The following CFAP20DC variants were observed in gnomAD, a reference collection of about 807,000 sequenced individuals.
CFAP20DC encodes the protein CFAP20 domain containing.
A neutral mutation model predicts 101.7 loss-of-function variants in CFAP20DC; 84 were observed. The ratio of observed to expected loss-of-function variants is 0.83; its 90% confidence interval spans 0.69 to 0.99. CFAP20DC has a LOEUF of 0.99. Ranked by LOEUF, CFAP20DC falls within the 50% of genes least tolerant of loss-of-function variation. The probability of loss-of-function intolerance (pLI) is 0.00; values close to 1 mark genes in which losing one functional copy is unlikely to be tolerated. For missense variants in CFAP20DC, 1,007 were observed against 970.3 expected, an observed-to-expected ratio of 1.04 and a Z score of -0.50; for synonymous variants, 359 against 351.2, an observed-to-expected ratio of 1.02 and a Z score of -0.25.
chr3:58,818,463 A>C (rs1270121523), intron 14 of CFAP20DC, among the ~76,000 whole-genome samples: 1 of 151,684 alleles, frequency 6.6e-6, no homozygotes, highest in African/African-American at 2.4e-5. Context: ...AAGCAAATGG[A>C]AAACTGAAAA....
At chr3:58,821,294 G>T (rs1286219978) in intron 14 of CFAP20DC, among the ~76,000 whole-genome samples, 3 of 152,174 alleles carry the variant, frequency 2.0e-5, no homozygotes, top group Non-Finnish European at 2.9e-5. Context: ...ATTGACAAAT[G>T]GGATCTAGTT....
intron 15 of CFAP20DC, 99 bp from the exon 16 acceptor site, chr3:58,753,962 C>T: frequency 1.4e-6 from 1 of 720,032 alleles, no homozygotes; most frequent in South Asian, 2.0e-5. Flanking sequence ...CAAAAAGAAA[C>T]ACTTTTTTTC....
intron 15 of CFAP20DC, among the ~76,000 whole-genome samples, chr3:58,769,563 C>T (rs1402425482): frequency 6.6e-6 from 1 of 152,148 alleles, no homozygotes. Flanking sequence ...TGGATGAGTT[C>T]TCTGAGGAAG....
At chr3:58,792,036 G>C (rs1331436873) in intron 15 of CFAP20DC, among the ~76,000 whole-genome samples, 2 of 152,140 alleles carry the variant, frequency 1.3e-5, no homozygotes, top group Non-Finnish European at 2.9e-5. Context: ...AACTACTATA[G>C]ACAATAAATC....
intron 14 of CFAP20DC, among the ~76,000 whole-genome samples, chr3:58,809,398 T>A (rs1388218788): frequency 6.6e-6 from 1 of 152,000 alleles, no homozygotes; most frequent in Non-Finnish European, 1.5e-5. Context: ...ATTAAGAAAC[T>A]CACTTAAAAC....
chr3:58,980,620 A>G (rs1033480031), intron 4 of CFAP20DC, among the ~76,000 whole-genome samples: 15 of 152,236 alleles, frequency 9.9e-5, no homozygotes, highest in Non-Finnish European at 1.8e-4. Flanking sequence ...GATTATCTCA[A>G]TAGATGCAGA....
intron 4 of CFAP20DC, among the ~76,000 whole-genome samples, chr3:58,975,036 T>C (rs2092193893): frequency 6.6e-6 from 1 of 152,174 alleles, no homozygotes; most frequent in Non-Finnish European, 1.5e-5. Context: ...ACACAGTTTC[T>C]TTATCCAGTA....
At chr3:58,927,635 G>A (rs533932286) in intron 5 of CFAP20DC, among the ~76,000 whole-genome samples, 1 of 152,200 alleles carries the variant, frequency 6.6e-6, no homozygotes, top group Non-Finnish European at 1.5e-5. Context: ...AGTGCTAGCT[G>A]AAATGCTTTT....
intron 15 of CFAP20DC, 35 bp downstream of exon 15, chr3:58,806,360 T>A (rs6804653): frequency 0.054 from 74,954 of 1,400,808 alleles, 5,142 homozygotes; most frequent in East Asian, 0.36. Context: ...CTAAGTTTTT[T>A]TTTTTCTTAA....
chr3:58,868,125 C>T lies in CFAP20DC; in HGVS notation c.1016-189G>A, dbSNP rs1327082564. On this transcript the variant is annotated intron_variant, in intron 9 of 16. Transcript: ENST00000482387. The surrounding 1 kb of genome is among the most constrained non-coding windows in gnomAD (Gnocchi z 4.6). Reference sequence around the variant, plus strand: ...TCCTATTCCGATATTGGGATCCTATCAGGCTTTCAAAATTACTGAAACACT... The same window carrying T: ...TCCTATTCCGATATTGGGATCCTATTAGGCTTTCAAAATTACTGAAACACT... Among the ~76,000 whole-genome samples the T allele has an allele frequency of 2.6e-5, 4 of 152,086 alleles. No individual in the cohort carries two copies. The highest frequency in any genetic ancestry group is 5.9e-5 in the Non-Finnish European group (4 of 68,000).
chr3:58,774,829 G>A (rs1314172223), intron 15 of CFAP20DC, among the ~76,000 whole-genome samples: 1 of 152,186 alleles, frequency 6.6e-6, no homozygotes, highest in East Asian at 1.9e-4. Flanking sequence ...AAAAATCACA[G>A]TTTTAGCTAT....
chr3:58,856,835 G>A (rs1235923407), intron 12 of CFAP20DC, among the ~76,000 whole-genome samples: 1 of 152,068 alleles, frequency 6.6e-6, no homozygotes, highest in Non-Finnish European at 1.5e-5. Context: ...GCGAGACAGG[G>A]CTATCTTTTC....
At chr3:58,854,923 T>A (rs2078626104) in intron 12 of CFAP20DC, among the ~76,000 whole-genome samples, 1 of 144,718 alleles carries the variant, frequency 6.9e-6, no homozygotes, top group Admixed American at 6.9e-5. Flanking sequence ...GACATAGGCA[T>A]GGGCAAGGAC....
chr3:58,881,841 C>T (rs2108630367), intron 7 of CFAP20DC, among the ~76,000 whole-genome samples: 1 of 152,244 alleles, frequency 6.6e-6, no homozygotes, highest in East Asian at 1.9e-4. Flanking sequence ...TATCTCTTGG[C>T]TTTCCCATGA....
At chr3:58,886,507 C>G (rs1298435402) in intron 6 of CFAP20DC, among the ~76,000 whole-genome samples, 1 of 151,766 alleles carries the variant, frequency 6.6e-6, no homozygotes, top group Non-Finnish European at 1.5e-5. Context: ...GGGAGGATTT[C>G]AGACCCAAGT....
chr3:58,854,616 T>C (rs1405963504), intron 12 of CFAP20DC, among the ~76,000 whole-genome samples: 1 of 152,148 alleles, frequency 6.6e-6, no homozygotes, highest in Non-Finnish European at 1.5e-5. Flanking sequence ...CAAAACAGCA[T>C]GGTACTGGTA....
chr3:58,793,603 A>G (rs1421826672), intron 15 of CFAP20DC, among the ~76,000 whole-genome samples: 1 of 152,106 alleles, frequency 6.6e-6, no homozygotes, highest in Non-Finnish European at 1.5e-5. Flanking sequence ...TCATAATGTA[A>G]TTTTCTTTCA....
intron 4 of CFAP20DC, among the ~76,000 whole-genome samples, chr3:58,943,484 G>C (rs973727129): frequency 1.3e-5 from 2 of 152,160 alleles, no homozygotes; most frequent in African/African-American, 2.4e-5. Context: ...AGAGAGGCCT[G>C]ACTGTTAGCA....
intron 13 of CFAP20DC, among the ~76,000 whole-genome samples, chr3:58,838,529 T>C (rs2076890448): frequency 2.0e-5 from 3 of 152,178 alleles, no homozygotes; most frequent in Admixed American, 6.5e-5. Flanking sequence ...TGTAAAGAGA[T>C]AGATAACTTT....
Sources: gnomAD v4.1 joint callset for allele counts (sites outside exome capture counted in the v4.1 genomes callset) on GRCh38, gnomAD v4.1.1 for gene constraint, Gnocchi (gnomAD v3.1) non-coding constraint, MANE v1.5 for transcripts, NCBI Gene and HGNC (gene_info 2026-07-23, HGNC 2026-07-21) for gene names.